Variants in TAF4 observed in about 807,000 individuals in gnomAD.
The protein encoded by TAF4 is TATA-box binding protein associated factor 4.
In TAF4, 9 loss-of-function variants were observed where a neutral mutation model predicts 90.3. The ratio of observed to expected loss-of-function variants is 0.10; its 90% CI spans 0.06 to 0.17. The LOEUF is 0.17. Ranked by LOEUF, TAF4 falls within the 10% of genes least tolerant of loss-of-function variation. The probability of loss-of-function intolerance (pLI) is 1.00; values close to 1 mark genes in which losing one functional copy is unlikely to be tolerated. For synonymous variants in TAF4, 818 were observed against 638.9 expected (o/e 1.28, Z -4.23); for missense variants, 1,351 against 1,370.7 (o/e 0.99, Z 0.23).
intron 14 of TAF4, among the ~76,000 whole-genome samples, chr20:61,977,440 CTG>C (rs143397381): frequency 0.015 from 2,229 of 152,338 alleles, 57 homozygotes; most frequent in African/African-American, 0.051. Context: ...GCGGATTCTG[CTG>C]TGTGTGCCAG....
intron 1 of TAF4, among the ~76,000 whole-genome samples, chr20:62,029,854 C>T (rs6121502): frequency 6.6e-6 from 1 of 152,078 alleles, no homozygotes; most frequent in Non-Finnish European, 1.5e-5. Context: ...TGCGGTGAGC[C>T]GAGATCGCGC....
intron 11 of TAF4, among the ~76,000 whole-genome samples, chr20:61,999,875 C>T (rs1050590714): frequency 1.3e-5 from 2 of 152,186 alleles, no homozygotes; most frequent in South Asian, 4.1e-4. Context: ...CTTGAACCCA[C>T]GAGGCGGAGG....
At chr20:62,033,338 G>A (rs889769031) in intron 1 of TAF4, among the ~76,000 whole-genome samples, 1 of 152,200 alleles carries the variant, frequency 6.6e-6, no homozygotes, top group African/African-American at 2.4e-5. Context: ...GGCCCTGGTG[G>A]GTTTTAAATA....
Position 61,976,171 on chromosome 20 carries a change from C to A in TAF4, c.3255G>T (p.Lys1085Asn). 1 of 1,613,974 alleles carries A rather than the reference C, an allele frequency of 6.2e-7. No individual in the cohort carries two copies. Among genetic ancestry groups the A allele is most frequent in the Non-Finnish European group, 8.5e-7 (1 of 1,179,946 alleles). ...AGTCCCCAGGCGTCCTCCTGTGTCA[C>A]TTAAGGAATGCTTTGTAGAGCAGCA... ...HSLLLYKAFLK is the reference protein window; with the variant it reads ...HSLLLYKAFLN The change falls in exon 15 of 15, where the codon AAG becomes AAT. Residue 1085 changes from lysine (K) to asparagine (N), a missense_variant. By Grantham distance (94) the Lys-to-Asn change is moderately conservative (BLOSUM62 0). Coordinates refer to ENST00000252996, the MANE Select transcript of TAF4 (RefSeq NM_003185.4).
chr20:62,006,586 G>A lies in TAF4; in HGVS notation c.2147C>T (p.Ala716Val). ...AGKTAATVTS[A>V]LQPPVLSLTQ... ...GAGGCTGAGCACAGGGGGCTGGAGG[G>A]CACTGGTCACGGTGGCCGCCGTCTT... The change falls in exon 7 of 15, where the codon GCC (alanine) becomes GTC (valine). Residue 716 changes from alanine (A) to valine (V), a missense_variant. Ala to Val is a moderately conservative substitution (Grantham distance 64). Transcript: ENST00000252996. The surrounding 1 kb of genome is among the most constrained non-coding windows in gnomAD (Gnocchi z 7.0). The A allele has an allele frequency of 1.3e-6, 2 of 1,597,616 alleles. No individual in the cohort carries two copies. The highest frequency in any genetic ancestry group is 8.5e-7 in the Non-Finnish European group (1 of 1,174,416).
At chr20:62,054,967 C>A (rs1385853686) in intron 1 of TAF4, among the ~76,000 whole-genome samples, 2 of 152,138 alleles carry the variant, frequency 1.3e-5, no homozygotes, top group Non-Finnish European at 2.9e-5. Flanking sequence ...CCCTCCAGCC[C>A]ATCCACACCT....
intron 1 of TAF4, among the ~76,000 whole-genome samples, chr20:62,040,129 C>G (rs775966226): frequency 6.6e-6 from 1 of 152,174 alleles, no homozygotes; most frequent in Non-Finnish European, 1.5e-5. Flanking sequence ...GTTATCTACC[C>G]AAGACAAAGA....
At position 61,998,869 on chromosome 20, in the gene TAF4, A is replaced by G; in HGVS notation, c.2913+114T>C. 3 of 1,418,618 alleles carry G rather than the reference A, an allele frequency of 2.1e-6. No homozygotes were observed. In the Admixed American group the frequency reaches 6.2e-5, roughly 29 times the overall value. 87.9% of individuals were successfully genotyped at this position (1,418,618 alleles called of 1,614,324 possible). On this transcript the variant is annotated intron_variant, in intron 12 of 14. Coordinates refer to ENST00000252996, the MANE Select transcript of TAF4 (RefSeq NM_003185.4). ...GACAGCACCCATCACCTTTGCTTCA[A>G]GGCCAGCCCAAAACATGCTCTGACC...
chr20:61,988,533 G>A (rs1014153006), intron 14 of TAF4, among the ~76,000 whole-genome samples: 4 of 152,062 alleles, frequency 2.6e-5, no homozygotes, highest in Non-Finnish European at 5.9e-5. Context: ...GAATTCAAAA[G>A]TAAAAGTTAA....
chr20:62,050,501 C>T (rs2056020512), intron 1 of TAF4, among the ~76,000 whole-genome samples: 1 of 152,036 alleles, frequency 6.6e-6, no homozygotes, highest in African/African-American at 2.4e-5. Flanking sequence ...GCCCGGGGTG[C>T]TGGCAGCACA....
intron 2 of TAF4, among the ~76,000 whole-genome samples, chr20:62,013,906 GGT>G (rs56801841): frequency 0.18 from 18,631 of 105,692 alleles, 1,079 homozygotes; most frequent in African/African-American, 0.2. Context: ...GGCTGACGCG[GGT>G]GTGTGTGTGT....
intron 1 of TAF4, among the ~76,000 whole-genome samples, chr20:62,022,744 C>G (rs947475609): frequency 6.6e-6 from 1 of 152,208 alleles, no homozygotes; most frequent in South Asian, 2.1e-4. Context: ...GCATAAGGGA[C>G]GGCGCAAAGC....
At chr20:62,009,717 C>T (rs1369429714) in intron 4 of TAF4, among the ~76,000 whole-genome samples, 2 of 152,152 alleles carry the variant, frequency 1.3e-5, no homozygotes, top group African/African-American at 4.8e-5. Context: ...AGATGTGTAT[C>T]GATACAGGCC....
intron 1 of TAF4, among the ~76,000 whole-genome samples, chr20:62,060,140 C>T (rs1029259600): frequency 2.0e-5 from 3 of 152,192 alleles, no homozygotes; most frequent in East Asian, 1.9e-4. Flanking sequence ...CCGGGGAGCC[C>T]GGGGGCAGTC....
At chr20:62,008,744 G>A in intron 5 of TAF4, 1 of 241,110 alleles carries the variant, frequency 4.1e-6, no homozygotes. Context: ...ACCCTGACCA[G>A]AGTGCAGCAT....
chr20:61,998,102 G>C, intron 13 of TAF4, 34 bp downstream of exon 13: 3 of 1,610,470 alleles, frequency 1.9e-6, no homozygotes, highest in Non-Finnish European at 2.5e-6. Flanking sequence ...GCACAGCAAA[G>C]TGCCCACGAG....
intron 1 of TAF4, among the ~76,000 whole-genome samples, chr20:62,044,335 T>C (rs974970847): frequency 1.4e-4 from 21 of 152,288 alleles, no homozygotes; most frequent in South Asian, 1.2e-3. Context: ...TTAGTTATAA[T>C]AGGAGAAAAA....
chr20:62,061,185 G>A (rs1202204076), intron 1 of TAF4, among the ~76,000 whole-genome samples: 1 of 152,168 alleles, frequency 6.6e-6, no homozygotes, highest in African/African-American at 2.4e-5. Flanking sequence ...GCAACCTCAG[G>A]GGTGGCCGTC....
At chr20:62,020,323 T>C (rs1438626829) in intron 1 of TAF4, among the ~76,000 whole-genome samples, 1 of 152,102 alleles carries the variant, frequency 6.6e-6, no homozygotes, top group Non-Finnish European at 1.5e-5. Context: ...GCCCCAGCTC[T>C]CCTCCTGAGG....
Sources: allele counts gnomAD v4.1 joint callset (sites outside exome capture counted in the v4.1 genomes callset), GRCh38; gene constraint gnomAD v4.1.1; non-coding constraint Gnocchi (gnomAD v3.1); transcripts MANE v1.5; gene names NCBI Gene and HGNC (gene_info 2026-07-23, HGNC 2026-07-21).